Variants in LPA observed in about 807,000 individuals in gnomAD.
LPA encodes lipoprotein(a), also known as apolipoprotein(a).
Under a neutral mutation model 197.9 loss-of-function variants are expected in LPA, and 199 were observed. That is an observed-to-expected ratio of 1.01 (90% CI 0.90 to 1.13). The LOEUF (loss-of-function observed/expected upper bound fraction) is 1.13. LPA is among the 50% of genes most tolerant of loss of function. LPA has a pLI of 0.00. For synonymous variants in LPA, 715 were observed against 639.5 expected, an observed-to-expected ratio of 1.12 and a Z score of -1.78; for missense variants, 1,853 against 1,785.8, an observed-to-expected ratio of 1.04 and a Z score of -0.68.
chr6:160,584,863 T>C (rs1415967413), intron 26 of LPA, among the ~76,000 whole-genome samples, 183 bp downstream of exon 26: 1 of 152,140 alleles, frequency 6.6e-6, no homozygotes, highest in East Asian at 1.9e-4. Context: ...TTATGAAAGA[T>C]AGCAATCCTA....
chr6:160,637,656 AT>A (rs1192271332), intron 6 of LPA, among the ~76,000 whole-genome samples: 62 of 130,074 alleles, frequency 4.8e-4, no homozygotes, highest in African/African-American at 7.7e-4. Flanking sequence ...CCATACAGTA[AT>A]TTTTTTCAAT....
chr6:160,608,875 G>T, intron 16 of LPA, among the ~76,000 whole-genome samples: 1 of 151,736 alleles, frequency 6.6e-6, no homozygotes, highest in Non-Finnish European at 1.5e-5. Context: ...GTGTGTATGG[G>T]TGTGTTGTAT....
chr6:160,572,681 A>T (rs1294412290), intron 28 of LPA, among the ~76,000 whole-genome samples: 1 of 152,180 alleles, frequency 6.6e-6, no homozygotes, highest in Non-Finnish European at 1.5e-5. Context: ...CTTTCGCTGG[A>T]TACAAAATTC....
rs148824261 is a variant in LPA, at chr6:160,546,418, T to C, written c.5305-885A>G. Among the ~76,000 whole-genome samples the C allele has an allele frequency of 7.9e-5, 12 of 152,314 alleles. No homozygotes were observed. The East Asian group carries it at 2.3e-3, about 29-fold the overall frequency. ...TCCCACGTGCCTTGCCCTGTGCATC[T>C]CTTCCACCTGGCTGTTCACCAGGAT... On this transcript the variant is annotated intron_variant, in intron 32 of 38. Transcript: ENST00000316300.
chr6:160,607,888 A>G (rs1779392896), intron 16 of LPA, among the ~76,000 whole-genome samples: 1 of 152,068 alleles, frequency 6.6e-6, no homozygotes, highest in African/African-American at 2.4e-5. Flanking sequence ...AAACTTTGTG[A>G]TTGCTCTAGG....
intron 1 of LPA, among the ~76,000 whole-genome samples, chr6:160,651,674 A>C (rs187011504): frequency 6.6e-6 from 1 of 152,240 alleles, no homozygotes; most frequent in African/African-American, 2.4e-5. Context: ...AAGATAAGTC[A>C]CTGTTAAATA....
chr6:160,535,014 T>C (rs924826671), intron 37 of LPA, among the ~76,000 whole-genome samples: 8 of 150,844 alleles, frequency 5.3e-5, no homozygotes, highest in Admixed American at 5.3e-4. Flanking sequence ...GTGATGGTAA[T>C]GATAATGGTG....
chr6:160,538,177 A>C (rs926843057), intron 36 of LPA, among the ~76,000 whole-genome samples: 1 of 152,232 alleles, frequency 6.6e-6, no homozygotes, highest in Admixed American at 6.5e-5. Flanking sequence ...GAAAGGCATC[A>C]GTTGCATGCA....
At chr6:160,591,134 G>A in intron 22 of LPA, 33 bp from the exon 23 acceptor site, 1 of 1,611,716 alleles carries the variant, frequency 6.2e-7, no homozygotes, top group Non-Finnish European at 8.5e-7. Context: ...GTTCACCAGA[G>A]ATGGGAGAAG....
chr6:160,652,233 AC>A (rs756437065), intron 1 of LPA, among the ~76,000 whole-genome samples: 1 of 152,076 alleles, frequency 6.6e-6, no homozygotes, highest in African/African-American at 2.4e-5. Flanking sequence ...CAGAATAAAT[AC>A]AAAAAGTTAA....
In LPA at chr6:160,611,600, T is replaced by A. The variant is rs759541475; in HGVS notation, c.2565A>T (p.Pro855=). 8 of 1,602,364 alleles carry A rather than the reference T, an allele frequency of 5.0e-6. No homozygotes were observed. The highest frequency in any genetic ancestry group is 1.7e-5 in the Admixed American group (1 of 59,826). Residue 855 remains proline (P), a synonymous_variant, in exon 16 of 39, where the codon CCA becomes CCT. Transcript: ENST00000316300. ...ATTCTGGGGTCCGACTATGCGAGTG[T>A]GGTGTCATAGATGACCAAGCTTGGC... The part of the protein sequence containing the change: ...RTCQAWSSMT[P]HSHSRTPEYY...
chr6:160,634,860 G>C (rs1453830845), intron 7 of LPA, among the ~76,000 whole-genome samples: 1 of 150,230 alleles, frequency 6.7e-6, no homozygotes, highest in Non-Finnish European at 1.5e-5. Context: ...CACTGAGATA[G>C]CCCATTTTAG....
intron 24 of LPA, among the ~76,000 whole-genome samples, chr6:160,588,815 T>A (rs1223931339): frequency 6.6e-6 from 1 of 152,184 alleles, no homozygotes; most frequent in Non-Finnish European, 1.5e-5. Flanking sequence ...GAAGACAGGT[T>A]AATGATGAAG....
chr6:160,653,962 T>TTATATATA (rs1780055311), intron 1 of LPA, among the ~76,000 whole-genome samples: 1 of 30,958 alleles, frequency 3.2e-5, no homozygotes, highest in African/African-American at 1.4e-4. Context: ...ATATATAATA[T>TTATATATA]ATATTATATA....
At chr6:160,609,092 T>C (rs1284980161) in intron 16 of LPA, among the ~76,000 whole-genome samples, 4 of 152,190 alleles carry the variant, frequency 2.6e-5, no homozygotes, top group Non-Finnish European at 4.4e-5. Flanking sequence ...CATCTTTTTT[T>C]AAATATTTGA....
intron 29 of LPA, among the ~76,000 whole-genome samples, chr6:160,556,397 A>G (rs574298669): frequency 6.6e-6 from 1 of 152,190 alleles, no homozygotes; most frequent in South Asian, 2.1e-4. Context: ...ACCTGGTGGG[A>G]AAAGGACCTA....
At chr6:160,556,578 G>T (rs41264316) in intron 29 of LPA, among the ~76,000 whole-genome samples, 178 of 152,214 alleles carry the variant, frequency 1.2e-3, no homozygotes, top group African/African-American at 4.1e-3. Context: ...ACCCTGCACA[G>T]TTCCCTAGAT....
rs201735255 is a variant in LPA, at chr6:160,595,382, A to G, written c.3441T>C (p.Asp1147=). 7.3e-4 allele frequency: 1,174 copies of G among 1,612,814 alleles called. 1 individual carries two copies. Among genetic ancestry groups the G allele is most frequent in the Non-Finnish European group, 7.4e-4 (875 of 1,179,808 alleles). ...CTTCAGAAGAAGCCTCTGTGCTTGG[A>G]TCTGGGACCACCGTGAGAGTTGCAA... ...SVLATLTVVP[D]PSTEASSEEA... is the part of the protein sequence containing the mutation. Residue 1147 remains aspartate, a synonymous_variant, in exon 21 of 39, where the codon GAT becomes GAC. Transcript: ENST00000316300.
intron 1 of LPA, among the ~76,000 whole-genome samples, chr6:160,661,558 C>T (rs1780227561): frequency 6.6e-6 from 1 of 152,198 alleles, no homozygotes; most frequent in Non-Finnish European, 1.5e-5. Context: ...CTCACTGTTT[C>T]ATGCAAAGTC....
Sources: gnomAD v4.1 joint callset for allele counts (sites outside exome capture counted in the v4.1 genomes callset) on GRCh38, gnomAD v4.1.1 for gene constraint, MANE v1.5 for transcripts, NCBI Gene and HGNC (gene_info 2026-07-23, HGNC 2026-07-21) for gene names.